EPB41L3: variants seen among roughly 807,000 people sequenced by gnomAD.
EPB41L3 encodes the protein erythrocyte membrane protein band 4.1 like 3.
A neutral mutation model predicts 127.1 loss-of-function variants in EPB41L3; 57 were observed. The ratio of observed to expected loss-of-function variants is 0.45; its 90% CI spans 0.36 to 0.56. The LOEUF (loss-of-function observed/expected upper bound fraction) is 0.56. Among genes scored for constraint, EPB41L3 ranks in the 20% least tolerant of loss-of-function variants. EPB41L3 has a pLI of 0.00. For missense variants in EPB41L3, 1,273 were observed against 1,372.2 expected (o/e 0.93, Z 1.14); for synonymous variants, 572 against 549.5 (o/e 1.04, Z -0.57).
intron 1 of EPB41L3, among the ~76,000 whole-genome samples, chr18:5,618,890 T>C (rs1271876193): frequency 6.6e-6 from 1 of 152,180 alleles, no homozygotes; most frequent in African/African-American, 2.4e-5. Flanking sequence ...TTGTAATAGG[T>C]TCCTATTGAA....
intron 3 of EPB41L3, among the ~76,000 whole-genome samples, chr18:5,469,234 A>G (rs1005816017): frequency 2.0e-5 from 3 of 152,214 alleles, no homozygotes; most frequent in African/African-American, 7.2e-5. Context: ...GCCCAGACCT[A>G]GAGCCTCCCT....
chr18:5,551,397 A>G (rs903754139), intron 3 of EPB41L3, among the ~76,000 whole-genome samples: 1 of 152,154 alleles, frequency 6.6e-6, no homozygotes, highest in African/African-American at 2.4e-5. Context: ...ACAGCTGCAC[A>G]TTAGCAGAAT....
In EPB41L3 at chr18:5,510,398, G is replaced by A. The variant is rs369643575; in HGVS notation, c.-11-21204C>T. 5.9e-5 allele frequency among the ~76,000 whole-genome samples: 9 copies of A among 152,308 alleles called. No individual in the cohort carries two copies. The South Asian group carries it at 1.5e-3, about 25-fold the overall frequency. On this transcript the variant is annotated intron_variant, in intron 1 of 22. Coordinates refer to ENST00000341928, the MANE Select transcript of EPB41L3 (RefSeq NM_012307.5). ...GCTGGAGTATGGTAGGTGGAGCCAC[G>A]TAACATTTACCTAATAGCCCTATGA...
At chr18:5,579,025 T>C (rs142044606) in intron 3 of EPB41L3, among the ~76,000 whole-genome samples, 31 of 152,260 alleles carry the variant, frequency 2.0e-4, no homozygotes, top group African/African-American at 7.0e-4. Flanking sequence ...CAAGAAGACA[T>C]TGTAAAAATA....
chr18:5,553,625 G>A, intron 3 of EPB41L3, among the ~76,000 whole-genome samples: 1 of 152,198 alleles, frequency 6.6e-6, no homozygotes, highest in East Asian at 1.9e-4. Context: ...AAAGGCGAAT[G>A]CTCTCATCCA....
chr18:5,544,573 T>C (rs1468451261), upstream of EPB41L3, among the ~76,000 whole-genome samples: 1 of 152,208 alleles, frequency 6.6e-6, no homozygotes, highest in African/African-American at 2.4e-5. Flanking sequence ...CACCGAAATT[T>C]ACCTTGATTT....
At chr18:5,590,620 G>A (rs180741307) in intron 3 of EPB41L3, among the ~76,000 whole-genome samples, 2 of 152,000 alleles carry the variant, frequency 1.3e-5, no homozygotes, top group African/African-American at 2.4e-5. Flanking sequence ...TTTATAGCAG[G>A]TCTATTAATA....
chr18:5,482,534 C>T (rs970475258), intron 2 of EPB41L3, among the ~76,000 whole-genome samples: 3 of 151,998 alleles, frequency 2.0e-5, no homozygotes, highest in African/African-American at 7.2e-5. Flanking sequence ...CAGATTCAAC[C>T]TAAATAAGAA....
rs149067311 is a variant in EPB41L3 at position 5,518,010 on chromosome 18, T to C, written c.-12+25903A>G. On this transcript the variant is annotated intron_variant, in intron 1 of 22. Coordinates refer to ENST00000341928, the MANE Select transcript of EPB41L3 (RefSeq NM_012307.5). ...CTCTAGATATTGTCACCAGCATCCC[T>C]TAGCTAGATGACATAATGGGCTCCT... Among the ~76,000 whole-genome samples, 984 of 152,226 alleles carry C rather than the reference T, an allele frequency of 6.5e-3. 9 individuals carry two copies. The highest frequency in any genetic ancestry group is 0.023 in the African/African-American group (939 of 41,524).
In EPB41L3 at chr18:5,393,440, G is replaced by A. The variant is rs1210542755; in HGVS notation, c.*45C>T. ...CCATATAGGCTCTGGTTTTCCTAAC[G>A]GTTTGCATGACTGCATTCATGTGCA... On this transcript the variant is annotated 3_prime_UTR_variant, in exon 23 of 23. Transcript: ENST00000341928. The A allele has an allele frequency of 1.4e-5, 10 of 699,550 alleles. No homozygotes were observed. Among genetic ancestry groups the A allele is most frequent in the South Asian group, 4.5e-5 (3 of 67,016 alleles). 43.3% of individuals were successfully genotyped at this position (699,550 alleles called of 1,614,324 possible).
At chr18:5,469,436 T>C (rs961009556) in intron 3 of EPB41L3, among the ~76,000 whole-genome samples, 1 of 152,050 alleles carries the variant, frequency 6.6e-6, no homozygotes, top group Non-Finnish European at 1.5e-5. Flanking sequence ...TGCCCCGCCA[T>C]AGCAGCCAGC....
chr18:5,521,124 T>C (rs1347070801), intron 1 of EPB41L3: 1 of 152,158 alleles, frequency 6.6e-6, no homozygotes, highest in African/African-American at 2.4e-5. Flanking sequence ...TAAGCCACAG[T>C]CCCATTTTAT....
intron 1 of EPB41L3, among the ~76,000 whole-genome samples, chr18:5,524,720 G>A (rs990250111): frequency 3.3e-5 from 5 of 152,182 alleles, no homozygotes; most frequent in African/African-American, 1.2e-4. Flanking sequence ...CACTCAAAAA[G>A]TTAGGGCCAC....
rs397970932 is a variant in EPB41L3, at chr18:5,495,604, T to TAA, written c.-11-6412_-11-6411dup. ...TCACAGGAAAGAACACTTGTCTGAT[T>TAA]AAAAAAAAAAAAAATCACTAACTTT... On this transcript the variant is annotated intron_variant, in intron 1 of 22. Coordinates refer to ENST00000341928, the MANE Select transcript of EPB41L3 (RefSeq NM_012307.5). Among the ~76,000 whole-genome samples, 360 of 143,572 alleles carry TAA rather than the reference T, an allele frequency of 2.5e-3. 1 individual carries two copies. The highest frequency in any genetic ancestry group is 7.8e-3 in the African/African-American group (307 of 39,344). The allele number at this position is 143,572 out of a possible 152,430, so 94.2% of individuals were successfully genotyped here.
At chr18:5,467,597 G>C (rs1599346910) in intron 3 of EPB41L3, 1 of 152,210 alleles carries the variant, frequency 6.6e-6, no homozygotes, top group Non-Finnish European at 1.5e-5. Flanking sequence ...AAAGACTTTA[G>C]TAGCCTCTCT....
chr18:5,423,335 G>T (rs772065235), intron 11 of EPB41L3, 43 bp downstream of exon 11: 24 of 1,487,252 alleles, frequency 1.6e-5, no homozygotes, highest in Non-Finnish European at 2.1e-5. Flanking sequence ...CATTCTTTTT[G>T]GGGTAGGTAC....
chr18:5,630,458 A>T (rs2094981671), upstream of EPB41L3: 2 of 518,932 alleles, frequency 3.9e-6, no homozygotes, highest in Non-Finnish European at 7.7e-6. Flanking sequence ...GGAGAAAAAA[A>T]GTAGCGCAAG....
At chr18:5,487,958 A>G (rs1197532237) in intron 2 of EPB41L3, among the ~76,000 whole-genome samples, 1 of 152,212 alleles carries the variant, frequency 6.6e-6, no homozygotes, top group Non-Finnish European at 1.5e-5. Context: ...TCTGACATAT[A>G]AGAGGCCAAT....
chr18:5,451,710 A>G (rs1040202069), intron 3 of EPB41L3, among the ~76,000 whole-genome samples: 1 of 152,240 alleles, frequency 6.6e-6, no homozygotes, highest in Non-Finnish European at 1.5e-5. Context: ...GCCGTAAGCA[A>G]TGACACCGAA....
Sources: allele counts gnomAD v4.1 joint callset (sites outside exome capture counted in the v4.1 genomes callset), GRCh38; gene constraint gnomAD v4.1.1; transcripts MANE v1.5; gene names NCBI Gene and HGNC (gene_info 2026-07-23, HGNC 2026-07-21).